Variants in GRID1 observed in about 807,000 individuals in gnomAD.
GRID1 encodes glutamate receptor ionotropic, delta-1.
GRID1 carries 28 observed loss-of-function variants against 98.0 expected under a neutral mutation model. That is an observed-to-expected ratio of 0.29 (90% CI 0.21 to 0.39). The LOEUF (loss-of-function observed/expected upper bound fraction) is 0.39, where lower values mean the gene tolerates loss of function less well. Among genes scored for constraint, GRID1 ranks in the 10% least tolerant of loss-of-function variants. GRID1 has a pLI of 1.00. For synonymous variants in GRID1, 553 were observed against 538.5 expected, an observed-to-expected ratio of 1.03 and a Z score of -0.37; for missense variants, 1,111 against 1,340.5, an observed-to-expected ratio of 0.83 and a Z score of 2.67.
chr10:85,832,047 G>C (rs1378475218), intron 8 of GRID1, among the ~76,000 whole-genome samples: 1 of 148,338 alleles, frequency 6.7e-6, no homozygotes, highest in East Asian at 1.9e-4. Context: ...ATCAGGGTAA[G>C]AAAACAATTT....
At chr10:86,251,188 CA>C (rs1846823444) in intron 2 of GRID1, among the ~76,000 whole-genome samples, 1 of 151,014 alleles carries the variant, frequency 6.6e-6, no homozygotes, top group Admixed American at 6.7e-5. Context: ...CTCAACTACC[CA>C]GGGACACAAT....
chr10:85,980,503 G>A (rs960760622), intron 4 of GRID1, among the ~76,000 whole-genome samples: 2 of 152,184 alleles, frequency 1.3e-5, no homozygotes, highest in African/African-American at 4.8e-5. Context: ...GCTCTCAACC[G>A]CAAATTTCTG....
chr10:86,204,694 G>T (rs1302692692), intron 3 of GRID1, among the ~76,000 whole-genome samples: 1 of 152,192 alleles, frequency 6.6e-6, no homozygotes, highest in Non-Finnish European at 1.5e-5. Context: ...TCCCATCAAG[G>T]TCGCCTCCCA....
chr10:85,986,504 A>C (rs1842610369), intron 4 of GRID1, among the ~76,000 whole-genome samples: 1 of 152,214 alleles, frequency 6.6e-6, no homozygotes, highest in African/African-American at 2.4e-5. Flanking sequence ...ATCACGTAAC[A>C]ATCAGGTAAA....
intron 2 of GRID1, among the ~76,000 whole-genome samples, chr10:86,328,569 C>T (rs1488804094): frequency 6.6e-6 from 1 of 152,220 alleles, no homozygotes; most frequent in Non-Finnish European, 1.5e-5. Flanking sequence ...GGCTTTTCCG[C>T]ATGTCCTCAT....
intron 2 of GRID1, among the ~76,000 whole-genome samples, chr10:86,281,859 G>T (rs1475721604): frequency 6.6e-6 from 1 of 152,190 alleles, no homozygotes; most frequent in Admixed American, 6.5e-5. Context: ...GCCTGGGAAG[G>T]ACTCCTTCCT....
intron 2 of GRID1, among the ~76,000 whole-genome samples, chr10:86,363,110 C>G (rs777155492): frequency 5.8e-4 from 88 of 152,386 alleles, no homozygotes; most frequent in Non-Finnish European, 9.8e-4. Context: ...GGTTCCCGAG[C>G]TGAAAGGTTG....
chr10:86,087,500 G>C (rs1370467436), intron 4 of GRID1, among the ~76,000 whole-genome samples: 1 of 145,880 alleles, frequency 6.9e-6, no homozygotes, highest in East Asian at 2.0e-4. Flanking sequence ...ATCCAAGTGT[G>C]TGTGTGTGTC....
chr10:86,099,523 C>T (rs1844265689), intron 4 of GRID1, among the ~76,000 whole-genome samples: 1 of 151,974 alleles, frequency 6.6e-6, no homozygotes, highest in African/African-American at 2.4e-5. Flanking sequence ...CAGAATCTGC[C>T]ACTCAAGGTC....
chr10:85,707,971 G>T (rs1841539350), intron 12 of GRID1, among the ~76,000 whole-genome samples: 1 of 152,066 alleles, frequency 6.6e-6, no homozygotes, highest in African/African-American at 2.4e-5. Flanking sequence ...TGTGGGGTCG[G>T]GGGTGTGGGG....
intron 4 of GRID1, among the ~76,000 whole-genome samples, chr10:85,966,353 C>T (rs1842335986): frequency 6.6e-6 from 1 of 152,158 alleles, no homozygotes; most frequent in African/African-American, 2.4e-5. Context: ...CTGGAAAGAT[C>T]TCAGAAAGCT....
chr10:86,363,178 C>T lies in GRID1; in HGVS notation c.235+763G>A, dbSNP rs184208047. On this transcript the variant is annotated intron_variant, in intron 2 of 15. Transcript: ENST00000327946. Reference sequence around the variant, plus strand: ...AGAGGGGGTTGCTGTCGTGAACGCCCTCGCCTCGCACCTGTGGCGCCTGCC... The same window carrying T: ...AGAGGGGGTTGCTGTCGTGAACGCCTTCGCCTCGCACCTGTGGCGCCTGCC... Among the ~76,000 whole-genome samples the T allele has an allele frequency of 1.7e-3, 258 of 152,382 alleles. 1 individual carries two copies. The Middle Eastern group carries it at 0.017, about 10-fold the overall frequency.
chr10:85,729,983 C>A (rs1165485335), intron 8 of GRID1, among the ~76,000 whole-genome samples: 1 of 152,202 alleles, frequency 6.6e-6, no homozygotes, highest in Non-Finnish European at 1.5e-5. Flanking sequence ...TTGACTTGCC[C>A]AGGCCACAAG....
intron 12 of GRID1, among the ~76,000 whole-genome samples, chr10:85,708,403 C>CAA (rs61626333): frequency 3.6e-5 from 4 of 110,630 alleles, no homozygotes; most frequent in African/African-American, 9.1e-5. Context: ...GACTCTGTCT[C>CAA]AAAAAAAAAA....
chr10:85,867,968 T>C (rs564704610), intron 6 of GRID1, among the ~76,000 whole-genome samples: 2 of 152,286 alleles, frequency 1.3e-5, no homozygotes, highest in South Asian at 2.1e-4. Context: ...CACACCCTAC[T>C]CAAGATTCCA....
chr10:85,721,092 G>T (rs1841696532), intron 12 of GRID1, among the ~76,000 whole-genome samples: 1 of 152,054 alleles, frequency 6.6e-6, no homozygotes, highest in Non-Finnish European at 1.5e-5. Context: ...CACAAAAAAA[G>T]GTGTGCAACA....
chr10:85,743,870 T>G (rs1841973403), intron 8 of GRID1, among the ~76,000 whole-genome samples: 3 of 152,174 alleles, frequency 2.0e-5, no homozygotes, highest in Admixed American at 2.0e-4. Flanking sequence ...TTCTCTTAAT[T>G]GCATGTCATA....
chr10:86,315,177 G>A (rs950718335), intron 2 of GRID1, among the ~76,000 whole-genome samples: 3 of 152,154 alleles, frequency 2.0e-5, no homozygotes, highest in African/African-American at 7.2e-5. Context: ...TCACAAACAT[G>A]AAACAGCAAC....
At position 85,602,386 on chromosome 10, in the gene GRID1, C is replaced by T. The variant is rs771866539; in HGVS notation, c.2917G>A (p.Gly973Arg). The part of the protein sequence containing the change: ...SMQCKHRSPN[G>R]GLFRQSPVKT... ...ACCGGGCTCTGCCGGAACAGCCCCC[C>T]GTTGGGTGACCTGTGTTTGCACTGC... Residue 973 changes from glycine to arginine, a missense_variant, in exon 16 of 16, where the codon GGG (glycine) becomes AGG (arginine). Gly to Arg is a moderately radical substitution (Grantham distance 125, BLOSUM62 -2). This residue lies in a region of GRID1 where 762 missense variants were observed against 869.1 expected (regional missense o/e 0.88). Coordinates refer to ENST00000327946, the MANE Select transcript of GRID1 (RefSeq NM_017551.3). 11 of 1,609,338 alleles carry T rather than the reference C, an allele frequency of 6.8e-6. No homozygotes were observed. Among genetic ancestry groups the T allele is most frequent in the African/African-American group, 2.7e-5 (2 of 74,886 alleles).
Sources: gnomAD v4.1 joint callset for allele counts (sites outside exome capture counted in the v4.1 genomes callset) on GRCh38, gnomAD v4.1.1 for gene constraint, gnomAD v4.1.1 regional missense constraint, MANE v1.5 for transcripts, NCBI Gene and HGNC (gene_info 2026-07-23, HGNC 2026-07-21) for gene names.